Variants in C10orf90 observed in about 807,000 individuals in gnomAD.
The protein encoded by C10orf90 is chromosome 10 open reading frame 90.
Under a neutral mutation model 62.5 loss-of-function variants are expected in C10orf90, and 56 were observed. The ratio of observed to expected loss-of-function variants is 0.90; its 90% confidence interval spans 0.72 to 1.12. The LOEUF (loss-of-function observed/expected upper bound fraction) is 1.12, where lower values mean the gene tolerates loss of function less well. C10orf90 is among the 50% of genes most tolerant of loss of function. C10orf90 has a pLI of 0.00. For missense variants in C10orf90, 970 were observed against 880.4 expected (o/e 1.10, Z -1.29); for synonymous variants, 386 against 340.4 (o/e 1.13, Z -1.47).
chr10:126,541,074 G>A (rs971614754), intron 2 of C10orf90, among the ~76,000 whole-genome samples: 2 of 152,118 alleles, frequency 1.3e-5, no homozygotes, highest in Non-Finnish European at 1.5e-5. Flanking sequence ...ATATCTAGAA[G>A]CCGTGAAAGA....
At chr10:126,648,178 C>A (rs993009467) in intron 1 of C10orf90, among the ~76,000 whole-genome samples, 6 of 151,298 alleles carry the variant, frequency 4.0e-5, no homozygotes, top group African/African-American at 1.2e-4. Context: ...TTTTTTTAAT[C>A]AGGAACATCT....
At chr10:126,611,496 T>C (rs972282761) in intron 2 of C10orf90, among the ~76,000 whole-genome samples, 4 of 152,248 alleles carry the variant, frequency 2.6e-5, no homozygotes, top group South Asian at 2.1e-4. Context: ...CATATGTTTT[T>C]GTTTCTCTTG....
At chr10:126,540,665 TAAAAAA>T (rs59077222) in intron 2 of C10orf90, among the ~76,000 whole-genome samples, 34 of 134,698 alleles carry the variant, frequency 2.5e-4, no homozygotes, top group Admixed American at 5.2e-4. Context: ...AGACCTTGTC[TAAAAAA>T]AAAAAAAAAA....
chr10:126,533,163 T>A lies in C10orf90; in HGVS notation c.314-19224A>T, dbSNP rs1864149588. 2.6e-5 allele frequency among the ~76,000 whole-genome samples: 4 copies of A among 151,998 alleles called. No homozygotes were observed. The South Asian group carries it at 8.3e-4, about 32-fold the overall frequency. The stretch of plus-strand genomic sequence containing the variant: ...GTTAGCCAGGATGTTCCCGATCTCC[T>A]GACCTCGTGATCCGCCTGCCTCGGC... On this transcript the variant is annotated intron_variant, in intron 2 of 9. Transcript: ENST00000488181.
chr10:126,467,418 T>C (rs142738345), intron 4 of C10orf90, among the ~76,000 whole-genome samples: 20 of 152,356 alleles, frequency 1.3e-4, no homozygotes, highest in Non-Finnish European at 2.2e-4. Flanking sequence ...TCTCCTCCCA[T>C]GCACTCCACG....
In C10orf90 at chr10:126,425,175, CAGG is replaced by C; in HGVS notation, c.*686_*688del. The C allele has an allele frequency of 6.6e-6, 1 of 151,964 alleles. No homozygotes were observed. Among genetic ancestry groups the C allele is most frequent in the East Asian group, 1.9e-4 (1 of 5,168 alleles). The allele number at this position is 151,964 out of a possible 1,614,324, so 9.4% of individuals were successfully genotyped here. ...AAAGAACTGTTTTAATGGGGCGGGG[CAGG>C]AGGAGTATTGTAGAAAACACTGAAG... On this transcript the variant is annotated 3_prime_UTR_variant, in exon 10 of 10. Transcript: ENST00000488181.
chr10:126,594,848 G>T (rs1845052429), intron 2 of C10orf90, among the ~76,000 whole-genome samples: 1 of 152,040 alleles, frequency 6.6e-6, no homozygotes, highest in Non-Finnish European at 1.5e-5. Flanking sequence ...CAGAGAGGAG[G>T]TGAAAAAAGA....
At chr10:126,458,996 C>G (rs758106083) in intron 7 of C10orf90, 44 bp downstream of exon 7, 2 of 1,577,808 alleles carry the variant, frequency 1.3e-6, no homozygotes, top group South Asian at 1.2e-5. Context: ...AGGAACCCCC[C>G]ATCCCTGGTC....
chr10:126,503,929 C>T (rs770356917), intron 4 of C10orf90, 28 bp downstream of exon 4: 6 of 1,583,476 alleles, frequency 3.8e-6, no homozygotes, highest in African/African-American at 2.7e-5. Context: ...ACTCAGGTCA[C>T]CCTCCTGCAG....
chr10:126,656,335 C>T (rs1846394332), intron 1 of C10orf90, among the ~76,000 whole-genome samples: 1 of 152,136 alleles, frequency 6.6e-6, no homozygotes, highest in African/African-American at 2.4e-5. Context: ...CTAAGTACTT[C>T]TCATACACAG....
intron 2 of C10orf90, among the ~76,000 whole-genome samples, chr10:126,565,417 T>TATTATATAAAATA (rs1844357772): frequency 6.5e-5 from 1 of 15,396 alleles, no homozygotes; most frequent in Non-Finnish European, 1.7e-4. Flanking sequence ...TAATATATAT[T>TATTATATAAAATA]ATATATATTA....
At chr10:126,666,143 G>A (rs1846622656) in intron 1 of C10orf90, among the ~76,000 whole-genome samples, 1 of 152,174 alleles carries the variant, frequency 6.6e-6, no homozygotes, top group Admixed American at 6.5e-5. Flanking sequence ...TTGTTGCGGG[G>A]TTGAAGGTGG....
chr10:126,611,505 T>C (rs535923539), intron 2 of C10orf90, among the ~76,000 whole-genome samples: 1 of 152,364 alleles, frequency 6.6e-6, no homozygotes, highest in South Asian at 2.1e-4. Context: ...TTGTTTCTCT[T>C]GGATGGAGTT....
intron 2 of C10orf90, among the ~76,000 whole-genome samples, chr10:126,642,754 T>G (rs1242277156): frequency 6.6e-6 from 1 of 152,138 alleles, no homozygotes; most frequent in East Asian, 1.9e-4. Flanking sequence ...TCTCTTGATC[T>G]CTATGCCACA....
At chr10:126,591,682 G>A (rs1195936440) in intron 2 of C10orf90, among the ~76,000 whole-genome samples, 5 of 152,062 alleles carry the variant, frequency 3.3e-5, no homozygotes, top group African/African-American at 7.2e-5. Flanking sequence ...ACATAGTATT[G>A]GAAGTGCTGG....
intron 4 of C10orf90, among the ~76,000 whole-genome samples, chr10:126,496,315 A>T (rs1313569102): frequency 1.3e-5 from 2 of 152,216 alleles, no homozygotes; most frequent in Non-Finnish European, 2.9e-5. Context: ...GATGGCTGAC[A>T]TGAGCAACCT....
intron 2 of C10orf90, among the ~76,000 whole-genome samples, chr10:126,571,441 C>G (rs1020543456): frequency 6.6e-6 from 1 of 152,170 alleles, no homozygotes; most frequent in African/African-American, 2.4e-5. Flanking sequence ...TCCTAGCAGC[C>G]AGGGCAGTCA....
chr10:126,530,100 C>CA (rs1159261083), intron 2 of C10orf90, among the ~76,000 whole-genome samples: 2 of 151,552 alleles, frequency 1.3e-5, no homozygotes, highest in African/African-American at 4.8e-5. Flanking sequence ...TTAATGGTGT[C>CA]AAAAAAAGCC....
chr10:126,632,636 G>C (rs1017767252), intron 2 of C10orf90, among the ~76,000 whole-genome samples: 7 of 151,974 alleles, frequency 4.6e-5, no homozygotes, highest in Non-Finnish European at 1.0e-4. Context: ...TGGCAATAGG[G>C]GCTCCAATTC....
Sources: allele counts gnomAD v4.1 joint callset (sites outside exome capture counted in the v4.1 genomes callset), GRCh38; gene constraint gnomAD v4.1.1; transcripts MANE v1.5; gene names NCBI Gene and HGNC (gene_info 2026-07-23, HGNC 2026-07-21).